The following TDRD10 variants were observed in gnomAD, a reference collection of about 807,000 sequenced individuals.
TDRD10 encodes the protein tudor domain containing 10.
Under a neutral mutation model 48.0 loss-of-function variants are expected in TDRD10, and 40 were observed. The observed-to-expected ratio is 0.83, with a 90% CI of 0.65 to 1.09. TDRD10 has a LOEUF of 1.09. Ranked by LOEUF, TDRD10 falls within the 50% of genes least tolerant of loss-of-function variation. TDRD10 has a pLI of 0.00. For missense variants in TDRD10, 378 were observed against 434.7 expected, an observed-to-expected ratio of 0.87 and a Z score of 1.16; for synonymous variants, 162 against 170.4, an observed-to-expected ratio of 0.95 and a Z score of 0.38.
At chr1:154,531,730 T>C (rs1358675851) in intron 6 of TDRD10, among the ~76,000 whole-genome samples, 1 of 152,220 alleles carries the variant, frequency 6.6e-6, no homozygotes, top group Non-Finnish European at 1.5e-5. Context: ...CACTGCTGGC[T>C]CGGGCAGCCT....
At chr1:154,545,229 C>G (rs1211581979) in intron 11 of TDRD10, among the ~76,000 whole-genome samples, 1 of 152,248 alleles carries the variant, frequency 6.6e-6, no homozygotes, top group Non-Finnish European at 1.5e-5. Context: ...TTTCCCACCC[C>G]TGCTTCCACC....
At chr1:154,517,610 C>T (rs1045300430) in intron 4 of TDRD10, among the ~76,000 whole-genome samples, 5 of 152,062 alleles carry the variant, frequency 3.3e-5, no homozygotes, top group African/African-American at 1.2e-4. Context: ...TTAGTAGAGA[C>T]GGGGTTTCAC....
chr1:154,512,656 T>G (rs774289984), intron 4 of TDRD10, among the ~76,000 whole-genome samples: 1 of 152,120 alleles, frequency 6.6e-6, no homozygotes, highest in Non-Finnish European at 1.5e-5. Flanking sequence ...TTTTTCCTCT[T>G]TTAAGATGCA....
intron 6 of TDRD10, among the ~76,000 whole-genome samples, chr1:154,530,941 C>T (rs958257440): frequency 4.6e-5 from 7 of 151,156 alleles, no homozygotes; most frequent in African/African-American, 1.5e-4. Flanking sequence ...TTGGCTCAAG[C>T]GGTTCTCCTG....
rs948216348 is a variant in TDRD10, at chr1:154,531,817, G to C, written c.370-10207G>C. Among the ~76,000 whole-genome samples, 4 of 152,264 alleles carry C rather than the reference G, an allele frequency of 2.6e-5. 1 individual carries two copies. ...TACAGAGAGCTGATTGGTCTGTTTT[G>C]ACAGGGTGCTGATTGGTGCGTTTAC... is the stretch of plus-strand genomic sequence containing the variant. On this transcript the variant is annotated intron_variant, in intron 6 of 12. Coordinates refer to ENST00000368482, the MANE Select transcript of TDRD10 (RefSeq NM_182499.4).
intron 4 of TDRD10, among the ~76,000 whole-genome samples, chr1:154,512,142 G>A (rs138421196): frequency 2.0e-5 from 3 of 152,092 alleles, no homozygotes; most frequent in African/African-American, 7.2e-5. Flanking sequence ...ACTCATTAGC[G>A]GTCCTTTGCC....
intron 3 of TDRD10, 144 bp downstream of exon 3, chr1:154,507,464 C>T: frequency 2.0e-6 from 2 of 1,002,520 alleles, no homozygotes; most frequent in Non-Finnish European, 3.0e-6. Context: ...AGTCAGCCAC[C>T]ATGTTTCCTG....
rs1173139256 is a variant in TDRD10, at chr1:154,544,249, C to G, written c.652-123C>G. 2.6e-6 allele frequency: 4 copies of G among 1,542,040 alleles called. No homozygotes were observed. In the African/African-American group the frequency reaches 5.5e-5, roughly 21 times the overall value. On this transcript the variant is annotated intron_variant, in intron 9 of 12. Coordinates refer to ENST00000368482, the MANE Select transcript of TDRD10 (RefSeq NM_182499.4). The stretch of plus-strand genomic sequence containing the variant: ...GATCCTGGGTTCAGTCTCGTTCTCT[C>G]TCCCACCTCATACCTGATGGCCTTG...
intron 6 of TDRD10, among the ~76,000 whole-genome samples, chr1:154,525,928 G>A (rs1372759577): frequency 7.0e-6 from 1 of 143,516 alleles, no homozygotes; most frequent in Non-Finnish European, 1.5e-5. Context: ...AAGAGGCTGG[G>A]CGTGGTGGCT....
At chr1:154,523,600 C>T (rs1417199115) in intron 6 of TDRD10, among the ~76,000 whole-genome samples, 2 of 152,210 alleles carry the variant, frequency 1.3e-5, no homozygotes, top group Non-Finnish European at 2.9e-5. Context: ...CTGCTGACCC[C>T]ACCATTTCTT....
At chr1:154,547,620 G>C in intron 12 of TDRD10, 58 bp from the exon 13 acceptor site, 1 of 1,614,216 alleles carries the variant, frequency 6.2e-7, no homozygotes, top group Non-Finnish European at 8.5e-7. Flanking sequence ...CTGAGGGGTT[G>C]GGTGAACTGG....
intron 2 of TDRD10, 68 bp from the exon 3 acceptor site, chr1:154,507,173 G>T: frequency 6.1e-6 from 9 of 1,473,380 alleles, no homozygotes; most frequent in Non-Finnish European, 8.1e-6. Flanking sequence ...CTCTGCTTAT[G>T]CCTGACACGT....
intron 4 of TDRD10, among the ~76,000 whole-genome samples, chr1:154,513,904 TA>T (rs1312241764): frequency 2.0e-5 from 3 of 152,044 alleles, no homozygotes; most frequent in Non-Finnish European, 4.4e-5. Flanking sequence ...AGAAGAGACT[TA>T]GGGGCTGTGT....
chr1:154,533,894 T>TATATA (rs199523039), intron 6 of TDRD10, among the ~76,000 whole-genome samples: 2,004 of 110,450 alleles, frequency 0.018, 23 homozygotes, highest in Non-Finnish European at 0.023. Context: ...TATATATATA[T>TATATA]TTTTTTTTAA....
chr1:154,528,404 T>G (rs1049006685), intron 6 of TDRD10, among the ~76,000 whole-genome samples: 18 of 151,876 alleles, frequency 1.2e-4, no homozygotes, highest in Middle Eastern at 3.4e-3. Flanking sequence ...TTTTGTGTTT[T>G]TACTAGAGAC....
chr1:154,525,531 G>T (rs774400418), intron 6 of TDRD10, among the ~76,000 whole-genome samples: 4 of 152,120 alleles, frequency 2.6e-5, no homozygotes, highest in Non-Finnish European at 5.9e-5. Flanking sequence ...AAAGAAGAAA[G>T]GTTGAATATT....
chr1:154,535,511 G>A (rs768053195), intron 6 of TDRD10, among the ~76,000 whole-genome samples: 2 of 152,022 alleles, frequency 1.3e-5, no homozygotes, highest in Non-Finnish European at 1.5e-5. Context: ...AACATCCTGG[G>A]CAACCCTGTC....
At chr1:154,541,295 G>T (rs1437857709) in intron 6 of TDRD10, among the ~76,000 whole-genome samples, 3 of 145,520 alleles carry the variant, frequency 2.1e-5, no homozygotes, top group African/African-American at 7.7e-5. Flanking sequence ...CGGGAGAGGG[G>T]TTGGTGGTGG....
chr1:154,512,941 C>G (rs1314849432), intron 4 of TDRD10, among the ~76,000 whole-genome samples: 1 of 152,078 alleles, frequency 6.6e-6, no homozygotes, highest in Non-Finnish European at 1.5e-5. Context: ...GCATGTGAAG[C>G]AATGTGGTGT....
Sources: allele counts gnomAD v4.1 joint callset (sites outside exome capture counted in the v4.1 genomes callset), GRCh38; gene constraint gnomAD v4.1.1; transcripts MANE v1.5; gene names NCBI Gene and HGNC (gene_info 2026-07-23, HGNC 2026-07-21).